Variants in PRKAR1B observed in about 807,000 individuals in gnomAD.
PRKAR1B encodes the protein cAMP-dependent protein kinase type I-beta regulatory subunit.
A neutral mutation model predicts 46.5 loss-of-function variants in PRKAR1B; 22 were observed. That is an observed-to-expected ratio of 0.47 (90% CI 0.34 to 0.68). The LOEUF (loss-of-function observed/expected upper bound fraction) is 0.68. Ranked by LOEUF, PRKAR1B falls within the 30% of genes least tolerant of loss-of-function variation. The probability of loss-of-function intolerance (pLI) is 0.01; values close to 1 mark genes in which losing one functional copy is unlikely to be tolerated. For synonymous variants in PRKAR1B, 259 were observed against 217.7 expected (o/e 1.19, Z -1.67); for missense variants, 445 against 535.6 (o/e 0.83, Z 1.67).
chr7:698,796 C>T (rs1029362220), intron 2 of PRKAR1B, among the ~76,000 whole-genome samples: 2 of 151,686 alleles, frequency 1.3e-5, no homozygotes, highest in Non-Finnish European at 2.9e-5. Context: ...ACATCCTTGC[C>T]TGTGTGTGCA....
chr7:578,443 A>C (rs1779982507), intron 9 of PRKAR1B, among the ~76,000 whole-genome samples: 1 of 152,204 alleles, frequency 6.6e-6, no homozygotes, highest in African/African-American at 2.4e-5. Flanking sequence ...CGTCTTTTTA[A>C]AATTAAACTT....
chr7:712,115 T>C (rs1780671120), intron 1 of PRKAR1B, among the ~76,000 whole-genome samples: 1 of 150,636 alleles, frequency 6.6e-6, no homozygotes, highest in Non-Finnish European at 1.5e-5. Flanking sequence ...GAAGTCACCA[T>C]GGCCAGGCCA....
At chr7:553,325 G>A (rs181489756) in intron 9 of PRKAR1B, among the ~76,000 whole-genome samples, 83 of 152,318 alleles carry the variant, frequency 5.4e-4, no homozygotes, top group African/African-American at 1.6e-3. Context: ...GCACGCCGCC[G>A]GCCTCAGACA....
At chr7:607,102 C>G (rs1782132573) in intron 5 of PRKAR1B, among the ~76,000 whole-genome samples, 1 of 152,140 alleles carries the variant, frequency 6.6e-6, no homozygotes, top group Non-Finnish European at 1.5e-5. Context: ...CTCCCAGGTT[C>G]AAGCGATTCT....
intron 8 of PRKAR1B, among the ~76,000 whole-genome samples, chr7:583,284 A>G (rs1411773226): frequency 6.6e-6 from 1 of 152,120 alleles, no homozygotes; most frequent in Non-Finnish European, 1.5e-5. Flanking sequence ...TTTCAGAGAG[A>G]ACAGGGGTCA....
At chr7:567,982 C>A (rs141061692) in intron 9 of PRKAR1B, among the ~76,000 whole-genome samples, 1 of 152,298 alleles carries the variant, frequency 6.6e-6, no homozygotes, top group Non-Finnish European at 1.5e-5. Context: ...AAATGACCTG[C>A]TTAATGCCAC....
At chr7:581,604 T>C (rs781525335) in intron 8 of PRKAR1B, among the ~76,000 whole-genome samples, 64 of 152,360 alleles carry the variant, frequency 4.2e-4, no homozygotes, top group Admixed American at 1.2e-3. Flanking sequence ...GCTTACTCTA[T>C]TACATTTGAA....
intron 4 of PRKAR1B, among the ~76,000 whole-genome samples, chr7:634,721 C>A (rs931496655): frequency 2.0e-5 from 3 of 151,718 alleles, no homozygotes; most frequent in African/African-American, 7.3e-5. Flanking sequence ...CTCACTGCAA[C>A]CCCTGCCTTC....
intron 1 of PRKAR1B, among the ~76,000 whole-genome samples, chr7:725,466 G>A (rs923534891): frequency 2.0e-5 from 3 of 152,184 alleles, no homozygotes; most frequent in Non-Finnish European, 4.4e-5. Flanking sequence ...CTGTTTAGGC[G>A]CCTCTGTCTC....
At chr7:584,453 C>A in intron 8 of PRKAR1B, 55 bp downstream of exon 8, 1 of 1,527,436 alleles carries the variant, frequency 6.5e-7, no homozygotes, top group Non-Finnish European at 9.1e-7. Flanking sequence ...GCCGGGGTGG[C>A]CAGCAGGCGC....
intron 9 of PRKAR1B, among the ~76,000 whole-genome samples, chr7:575,821 TC>T (rs1276026201): frequency 6.6e-6 from 1 of 152,188 alleles, no homozygotes; most frequent in East Asian, 1.9e-4. Context: ...GTGATCCTCT[TC>T]CTACCTTGGC....
chr7:584,067 G>T (rs1780461072), intron 8 of PRKAR1B, among the ~76,000 whole-genome samples: 1 of 152,248 alleles, frequency 6.6e-6, no homozygotes, highest in African/African-American at 2.4e-5. Flanking sequence ...AGAAAGGGCA[G>T]AGGCGGCTCC....
intron 6 of PRKAR1B, among the ~76,000 whole-genome samples, chr7:605,110 G>A (rs957820451): frequency 2.0e-5 from 3 of 152,274 alleles, no homozygotes; most frequent in African/African-American, 7.2e-5. Flanking sequence ...ACATTTAGCA[G>A]AGAGCAGAAG....
rs1001164493 is a variant in PRKAR1B at position 634,268 on chromosome 7, C to T, written c.441-26816G>A. On this transcript the variant is annotated intron_variant, in intron 4 of 10. Coordinates refer to ENST00000537384, the MANE Select transcript of PRKAR1B (RefSeq NM_001164760.2). ...CGAACTCCTGACCTTGTGATCCGCC[C>T]GCCTCAGCCTCCCAAAGTGCTGGGA... Among the ~76,000 whole-genome samples the T allele has an allele frequency of 6.6e-5, 10 of 152,024 alleles. 1 individual carries two copies. Among genetic ancestry groups the T allele is most frequent in the South Asian group, 2.1e-4 (1 of 4,822 alleles).
At chr7:563,533 GGTGT>G (rs954155745) in intron 9 of PRKAR1B, among the ~76,000 whole-genome samples, 2 of 152,240 alleles carry the variant, frequency 1.3e-5, no homozygotes, top group African/African-American at 2.4e-5. Flanking sequence ...CTGCACGCTG[GGTGT>G]GTGTGTGCAT....
chr7:618,011 C>T (rs963271223), intron 4 of PRKAR1B, among the ~76,000 whole-genome samples: 20 of 152,152 alleles, frequency 1.3e-4, no homozygotes, highest in Admixed American at 2.6e-4. Context: ...CCCACTTTCC[C>T]CCACCCTCCG....
intron 6 of PRKAR1B, among the ~76,000 whole-genome samples, chr7:599,244 C>A (rs890449773): frequency 6.6e-6 from 1 of 152,184 alleles, no homozygotes; most frequent in African/African-American, 2.4e-5. Flanking sequence ...GCGGGCCCCA[C>A]CCCAGCTGGT....
intron 4 of PRKAR1B, among the ~76,000 whole-genome samples, chr7:628,040 G>T (rs931577183): frequency 3.3e-5 from 5 of 152,046 alleles, no homozygotes; most frequent in African/African-American, 1.2e-4. Context: ...AGCGGTGGGG[G>T]GAGTGGGACT....
At chr7:563,955 A>C (rs961341663) in intron 9 of PRKAR1B, among the ~76,000 whole-genome samples, 1 of 151,976 alleles carries the variant, frequency 6.6e-6, no homozygotes, top group African/African-American at 2.4e-5. Context: ...ACACTGGCTG[A>C]TTATGTTCTA....
Sources: gnomAD v4.1 joint callset for allele counts (sites outside exome capture counted in the v4.1 genomes callset) on GRCh38, gnomAD v4.1.1 for gene constraint, MANE v1.5 for transcripts, NCBI Gene and HGNC (gene_info 2026-07-23, HGNC 2026-07-21) for gene names.